Variants in TAF3 observed in about 807,000 individuals in gnomAD.
The protein encoded by TAF3 is TATA-box binding protein associated factor 3.
Under a neutral mutation model 80.6 loss-of-function variants are expected in TAF3, and 7 were observed. That is an observed-to-expected ratio of 0.09 (90% CI 0.05 to 0.16). The LOEUF (loss-of-function observed/expected upper bound fraction) is 0.16, where lower values mean the gene tolerates loss of function less well. TAF3 is among the 10% of genes least tolerant of loss of function. The pLI is 1.00. For synonymous variants in TAF3, 444 were observed against 446.1 expected (o/e 1.00, Z 0.06); for missense variants, 921 against 1,140.2 (o/e 0.81, Z 2.77).
At chr10:7,846,404 C>T (rs1244488) in intron 2 of TAF3, among the ~76,000 whole-genome samples, 99,142 of 152,044 alleles carry the variant, frequency 0.65, 32,778 homozygotes, top group South Asian at 0.88. Flanking sequence ...GTTGCTTTAT[C>T]TGCATTTGTG....
chr10:7,876,833 A>G (rs1837316749), intron 2 of TAF3, among the ~76,000 whole-genome samples: 1 of 152,168 alleles, frequency 6.6e-6, no homozygotes. Flanking sequence ...CAGATTGTTG[A>G]AACTTTGGGA....
In TAF3 at chr10:7,986,655, G is replaced by T. The variant is rs554972156; in HGVS notation, c.2315+9332G>T. Among the ~76,000 whole-genome samples, 3 of 152,212 alleles carry T rather than the reference G, an allele frequency of 2.0e-5. No homozygotes were observed. In the South Asian group the frequency reaches 6.2e-4, roughly 32 times the overall value. On this transcript the variant is annotated intron_variant, in intron 4 of 6. Coordinates refer to ENST00000344293, the MANE Select transcript of TAF3 (RefSeq NM_031923.4). ...GGACTCTCAGCATCTTGTAACTTCC[G>T]CTCAGCATCTTCAAGCTTGGCTGTC...
At chr10:7,901,429 C>A (rs549919569) in intron 2 of TAF3, among the ~76,000 whole-genome samples, 1 of 152,308 alleles carries the variant, frequency 6.6e-6, no homozygotes, top group African/African-American at 2.4e-5. Context: ...CTCTTTCTGG[C>A]AAACATTCAA....
intron 2 of TAF3, among the ~76,000 whole-genome samples, chr10:7,876,310 C>CT (rs1328347776): frequency 6.6e-6 from 1 of 152,254 alleles, no homozygotes; most frequent in East Asian, 1.9e-4. Flanking sequence ...GAAAGCAATA[C>CT]TTTAGCTTCA....
At chr10:7,871,435 C>CTTTTTTTTTGTTTTTTTTTT (rs1837264107) in intron 2 of TAF3, among the ~76,000 whole-genome samples, 1 of 69,116 alleles carries the variant, frequency 1.4e-5, no homozygotes, top group Non-Finnish European at 2.9e-5. Context: ...ATAACTGCTG[C>CTTTTTTTTTGTTTTTTTTTT]TTTTTTTTTT....
chr10:7,881,776 C>T (rs1378936476), intron 2 of TAF3, among the ~76,000 whole-genome samples: 1 of 152,172 alleles, frequency 6.6e-6, no homozygotes, highest in East Asian at 1.9e-4. Flanking sequence ...CTTGAGTTCT[C>T]CTTCCAACTT....
At chr10:7,983,603 G>A (rs929812942) in intron 4 of TAF3, among the ~76,000 whole-genome samples, 1 of 152,176 alleles carries the variant, frequency 6.6e-6, no homozygotes, top group African/African-American at 2.4e-5. Flanking sequence ...ATTAAAGAAT[G>A]TTGGAGTTTT....
chr10:7,948,983 A>T (rs1187271324), intron 2 of TAF3, among the ~76,000 whole-genome samples: 1 of 152,232 alleles, frequency 6.6e-6, no homozygotes, highest in Non-Finnish European at 1.5e-5. Context: ...TGACGCGCAG[A>T]GGTGCTGGGC....
At chr10:7,999,361 G>T (rs1831920828) in intron 4 of TAF3, among the ~76,000 whole-genome samples, 1 of 151,172 alleles carries the variant, frequency 6.6e-6, no homozygotes, top group African/African-American at 2.4e-5. Flanking sequence ...GCAACTATGG[G>T]CAATGTATTT....
chr10:7,954,769 C>A (rs112214594), intron 2 of TAF3, among the ~76,000 whole-genome samples: 33 of 104,522 alleles, frequency 3.2e-4, no homozygotes, highest in Middle Eastern at 9.1e-3. Flanking sequence ...AGAGCTCTCC[C>A]TAGTGAGATT....
intron 2 of TAF3, among the ~76,000 whole-genome samples, chr10:7,907,155 C>T (rs891589483): frequency 2.0e-5 from 3 of 152,134 alleles, no homozygotes; most frequent in South Asian, 2.1e-4. Context: ...CAGCAGCACA[C>T]GCTGGATCTC....
At chr10:7,970,660 C>T (rs1831613389) in intron 3 of TAF3, among the ~76,000 whole-genome samples, 1 of 152,146 alleles carries the variant, frequency 6.6e-6, no homozygotes, top group African/African-American at 2.4e-5. Context: ...GTTTAACCGC[C>T]ATATTTTAAA....
chr10:7,848,983 T>A (rs1341984018), intron 2 of TAF3, among the ~76,000 whole-genome samples: 2 of 152,172 alleles, frequency 1.3e-5, no homozygotes, highest in Non-Finnish European at 2.9e-5. Flanking sequence ...CAGCTTTGTC[T>A]TTCTGAATGG....
chr10:7,863,766 CAT>C (rs1339561915), intron 2 of TAF3, among the ~76,000 whole-genome samples: 10 of 110,862 alleles, frequency 9.0e-5, no homozygotes, highest in African/African-American at 3.6e-4. Context: ...TATATACACA[CAT>C]GGCACATGTC....
At chr10:7,936,440 A>G (rs1201563274) in intron 2 of TAF3, among the ~76,000 whole-genome samples, 6 of 152,162 alleles carry the variant, frequency 3.9e-5, no homozygotes, top group African/African-American at 1.4e-4. Flanking sequence ...TAGAGTTAAG[A>G]AAAAGCAGAG....
chr10:8,015,592 C>T lies in TAF3; in HGVS notation c.*841C>T, dbSNP rs1564384653. The T allele has an allele frequency of 6.6e-6, 1 of 151,944 alleles. No individual in the cohort carries two copies. The highest frequency in any genetic ancestry group is 1.5e-5 in the Non-Finnish European group (1 of 68,012). The allele number at this position is 151,944 out of a possible 1,614,324, so 9.4% of individuals were successfully genotyped here. On this transcript the variant is annotated 3_prime_UTR_variant, in exon 7 of 7. Coordinates refer to ENST00000344293, the MANE Select transcript of TAF3 (RefSeq NM_031923.4). ...GTTTAATTCTGGCTTTCTCTGAAAT[C>T]CACTGTGATTTCAGCCAGGTCTGTA...
At chr10:7,924,534 G>A (rs1319012844) in intron 2 of TAF3, among the ~76,000 whole-genome samples, 1 of 152,022 alleles carries the variant, frequency 6.6e-6, no homozygotes, top group Non-Finnish European at 1.5e-5. Flanking sequence ...ACATCTTTAT[G>A]TGGGCATGTC....
At chr10:7,847,111 G>A (rs941251199) in intron 2 of TAF3, among the ~76,000 whole-genome samples, 5 of 152,174 alleles carry the variant, frequency 3.3e-5, no homozygotes, top group Admixed American at 1.3e-4. Flanking sequence ...CAAAGAGATA[G>A]CATTTCTGGC....
intron 2 of TAF3, among the ~76,000 whole-genome samples, chr10:7,904,255 G>A (rs1837586255): frequency 6.6e-6 from 1 of 152,226 alleles, no homozygotes; most frequent in South Asian, 2.1e-4. Context: ...GGCCCACACA[G>A]TAGAGTTCCA....
Sources: allele counts gnomAD v4.1 joint callset (sites outside exome capture counted in the v4.1 genomes callset), GRCh38; gene constraint gnomAD v4.1.1; transcripts MANE v1.5; gene names NCBI Gene and HGNC (gene_info 2026-07-23, HGNC 2026-07-21).